CCDC141: variants seen among roughly 807,000 people sequenced by gnomAD.
CCDC141 encodes coiled-coil domain containing 141, also known as coiled-coil domain-containing protein 141.
Under a neutral mutation model 181.0 loss-of-function variants are expected in CCDC141, and 168 were observed. That is an observed-to-expected ratio of 0.93 (90% CI 0.82 to 1.05). The LOEUF (loss-of-function observed/expected upper bound fraction) is 1.05, where lower values mean the gene tolerates loss of function less well. Among genes scored for constraint, CCDC141 ranks in the 50% least tolerant of loss-of-function variants. The pLI is 0.00. For missense variants in CCDC141, 1,902 were observed against 1,788.5 expected (o/e 1.06, Z -1.14); for synonymous variants, 666 against 642.3 (o/e 1.04, Z -0.56).
intron 7 of CCDC141, among the ~76,000 whole-genome samples, chr2:178,916,941 T>C (rs1688479354): frequency 6.7e-6 from 1 of 149,514 alleles, no homozygotes; most frequent in Admixed American, 6.7e-5. Context: ...TTCTTCTTCT[T>C]TTTTTTTTTA....
Position 178,868,867 on chromosome 2 carries a change from C to A in CCDC141, c.2394+250G>T, listed in dbSNP as rs12618871. ...AGAGGGAGGAGAAAGACAGACTTGTCAAATAATGGCAGCCTGAGAGTCAAG... is the reference window on the plus strand; with the variant it reads ...AGAGGGAGGAGAAAGACAGACTTGTAAAATAATGGCAGCCTGAGAGTCAAG... On this transcript the variant is annotated intron_variant, in intron 15 of 23. Transcript: ENST00000443758. Among the ~76,000 whole-genome samples, 36,096 of 151,802 alleles carry A rather than the reference C, an allele frequency of 0.24. 5,663 individuals are homozygous for A. Among genetic ancestry groups the A allele is most frequent in the East Asian group, 0.76 (3,884 of 5,144 alleles).
chr2:178,936,502 T>A (rs1476751089), intron 6 of CCDC141, among the ~76,000 whole-genome samples: 1 of 152,172 alleles, frequency 6.6e-6, no homozygotes, highest in Non-Finnish European at 1.5e-5. Context: ...ACTGTAGCCC[T>A]GTAGTATAGT....
chr2:179,016,680 C>T (rs574939295), intron 2 of CCDC141, among the ~76,000 whole-genome samples: 8 of 152,148 alleles, frequency 5.3e-5, no homozygotes, highest in East Asian at 3.9e-4. Flanking sequence ...TGATACCTTT[C>T]GATGCATAAG....
Position 178,833,978 on chromosome 2 carries a change from C to A in CCDC141, c.*195G>T. On this transcript the variant is annotated 3_prime_UTR_variant, in exon 24 of 24. Coordinates refer to ENST00000443758, the MANE Select transcript of CCDC141 (RefSeq NM_173648.4). ...GTTCTTATCCACTACAGATAATTTA[C>A]CAAGCTTCTCAAATATATTAAACGC... is the stretch of plus-strand genomic sequence containing the variant. 3.4e-6 allele frequency: 2 copies of A among 589,464 alleles called. No homozygotes were observed. The highest frequency in any genetic ancestry group is 5.9e-6 in the Non-Finnish European group (2 of 340,572). The allele number at this position is 589,464 out of a possible 1,614,324, so 36.5% of individuals were successfully genotyped here.
downstream of CCDC141, among the ~76,000 whole-genome samples, chr2:178,828,677 T>C (rs1684160990): frequency 6.6e-6 from 1 of 152,182 alleles, no homozygotes. Flanking sequence ...CTACCTTGTC[T>C]GCATTTCCAG....
At chr2:179,045,628 A>T (rs996425593) in intron 2 of CCDC141, among the ~76,000 whole-genome samples, 3 of 151,580 alleles carry the variant, frequency 2.0e-5, no homozygotes, top group Non-Finnish European at 4.4e-5. Flanking sequence ...AGTCCCACCA[A>T]CAGTGTAAAA....
rs144965239 is a variant in CCDC141, at chr2:178,852,821, TG to T, written c.3244+619del. ...TATCATCCTCCATGGACTTCTTAAA[TG>T]GGGGGCCTCTTTTAGGAGGAAGGAT... On this transcript the variant is annotated intron_variant, in intron 20 of 23. Coordinates refer to ENST00000443758, the MANE Select transcript of CCDC141 (RefSeq NM_173648.4). 2.0e-3 allele frequency among the ~76,000 whole-genome samples: 301 copies of T among 152,244 alleles called. 6 individuals carry two copies. The South Asian group carries it at 0.021, about 11-fold the overall frequency.
chr2:178,867,791 T>A (rs562178713), intron 16 of CCDC141, among the ~76,000 whole-genome samples: 1 of 152,346 alleles, frequency 6.6e-6, no homozygotes, highest in East Asian at 1.9e-4. Context: ...TAAATACTCT[T>A]TAAAAATTTT....
intron 17 of CCDC141, among the ~76,000 whole-genome samples, chr2:178,857,674 G>T (rs1009325934): frequency 1.6e-4 from 25 of 152,090 alleles, no homozygotes; most frequent in African/African-American, 6.0e-4. Flanking sequence ...GAAGTACAGA[G>T]AAAAAAACAC....
chr2:179,042,159 T>C (rs2043327233), intron 2 of CCDC141, among the ~76,000 whole-genome samples: 1 of 152,156 alleles, frequency 6.6e-6, no homozygotes, highest in Non-Finnish European at 1.5e-5. Flanking sequence ...ATTGATCACA[T>C]AATTGAAGTA....
chr2:178,902,933 A>AAAAGTG (rs1462388093), intron 8 of CCDC141, among the ~76,000 whole-genome samples: 3 of 148,794 alleles, frequency 2.0e-5, no homozygotes, highest in Non-Finnish European at 4.4e-5. Flanking sequence ...AACCCCATCA[A>AAAAGTG]AAAGTGGGCG....
intron 11 of CCDC141, among the ~76,000 whole-genome samples, chr2:178,880,556 A>G (rs1686550400): frequency 6.6e-6 from 1 of 152,170 alleles, no homozygotes; most frequent in South Asian, 2.1e-4. Context: ...TTGGCTCAAT[A>G]AACAGATATG....
At chr2:178,870,183 A>T (rs1482793391) in intron 14 of CCDC141, among the ~76,000 whole-genome samples, 2 of 139,002 alleles carry the variant, frequency 1.4e-5, no homozygotes, top group African/African-American at 5.6e-5. Context: ...AGCAAGATAA[A>T]ATTGTGCTAC....
chr2:178,924,930 AG>A (rs1688857183), intron 6 of CCDC141, among the ~76,000 whole-genome samples: 1 of 152,230 alleles, frequency 6.6e-6, no homozygotes, highest in Non-Finnish European at 1.5e-5. Context: ...AAGCTTGTTA[AG>A]TAGCTTCAGG....
At chr2:178,970,103 C>A (rs540367327) in intron 4 of CCDC141, among the ~76,000 whole-genome samples, 1 of 152,192 alleles carries the variant, frequency 6.6e-6, no homozygotes, top group Admixed American at 6.5e-5. Context: ...TACCAACCAC[C>A]GCTCAAGGAA....
chr2:178,888,532 G>A lies in CCDC141; in HGVS notation c.1402C>T (p.Arg468Trp), dbSNP rs550015011. The A allele has an allele frequency of 3.4e-4, 526 of 1,550,054 alleles. No homozygotes were observed. The African/African-American group carries it at 5.8e-3, about 17-fold the overall frequency. Residue 468 changes from arginine to tryptophan, a missense_variant, in exon 9 of 24, where the codon CGG (arginine) becomes TGG (tryptophan). Transcript: ENST00000443758. ...QLTASVEGYL[R>W]KVEMSIQKIS... Reference sequence around the variant, plus strand: ...GTTTTAGTTTACGAAACTACCTTCCGTAGGTAACCCTCCACTGAGGCTGTT... The same window carrying A: ...GTTTTAGTTTACGAAACTACCTTCCATAGGTAACCCTCCACTGAGGCTGTT...
rs59851189 is a variant in CCDC141 at position 179,013,960 on chromosome 2, CAAAAAAAA to C, written c.225+33316_225+33323del. Among the ~76,000 whole-genome samples the C allele has an allele frequency of 3.6e-4, 17 of 46,880 alleles. No individual in the cohort carries two copies. The Admixed American group carries it at 5.8e-3, about 16-fold the overall frequency. 30.8% of individuals were successfully genotyped at this position (46,880 alleles called of 152,430 possible). On this transcript the variant is annotated intron_variant, in intron 2 of 23. Coordinates refer to ENST00000443758, the MANE Select transcript of CCDC141 (RefSeq NM_173648.4). ...TGGGCTACAGAGTGAGACTCCATCT[CAAAAAAAA>C]AAAAAAAAAAAAAAAAAAAGGACAA... is the stretch of plus-strand genomic sequence containing the variant.
intron 14 of CCDC141, among the ~76,000 whole-genome samples, chr2:178,870,527 G>T (rs1439371951): frequency 1.3e-5 from 2 of 152,164 alleles, no homozygotes; most frequent in African/African-American, 2.4e-5. Flanking sequence ...ATAACGCAGG[G>T]TGTATTAAAG....
intron 2 of CCDC141, among the ~76,000 whole-genome samples, chr2:179,021,163 T>A (rs2042681576): frequency 6.6e-6 from 1 of 152,188 alleles, no homozygotes; most frequent in South Asian, 2.1e-4. Context: ...TTTATTTCAC[T>A]AAGAAGTAGG....
Sources: allele counts gnomAD v4.1 joint callset (sites outside exome capture counted in the v4.1 genomes callset), GRCh38; gene constraint gnomAD v4.1.1; transcripts MANE v1.5; gene names NCBI Gene and HGNC (gene_info 2026-07-23, HGNC 2026-07-21).